SFXN5: variants seen among roughly 807,000 people sequenced by gnomAD.
SFXN5 encodes the protein sideroflexin 5.
Under a neutral mutation model 50.2 loss-of-function variants are expected in SFXN5, and 43 were observed. That is an observed-to-expected ratio of 0.86 (90% confidence interval 0.67 to 1.11). The LOEUF (loss-of-function observed/expected upper bound fraction) is 1.11. Ranked by LOEUF, SFXN5 falls within the 50% of genes least tolerant of loss-of-function variation. The pLI, the probability that SFXN5 is intolerant of heterozygous loss-of-function variation, is 0.00. For synonymous variants in SFXN5, 203 were observed against 185.8 expected (o/e 1.09, Z -0.75); for missense variants, 463 against 454.1 (o/e 1.02, Z -0.18).
intron 2 of SFXN5, among the ~76,000 whole-genome samples, chr2:73,056,424 G>A (rs1323183817): frequency 3.3e-5 from 5 of 151,540 alleles, no homozygotes; most frequent in South Asian, 2.1e-4. Flanking sequence ...AGTGGCTTAC[G>A]CCTGTAACCC....
chr2:73,014,566 G>A (rs1244239623), intron 6 of SFXN5, among the ~76,000 whole-genome samples: 1 of 152,094 alleles, frequency 6.6e-6, no homozygotes, highest in African/African-American at 2.4e-5. Context: ...AACCTGTCAA[G>A]TTCCATAACA....
rs1445813745 is a variant in SFXN5, at chr2:72,960,671, C to A, written c.945+460G>T. 6.6e-6 allele frequency among the ~76,000 whole-genome samples: 1 copy of A among 152,192 alleles called. No individual in the cohort carries two copies. Among genetic ancestry groups the A allele is most frequent in the Non-Finnish European group, 1.5e-5 (1 of 68,018 alleles). ...CCAGCCCAGCCCCTCATTCCCAGGC[C>A]ACATCACCTTGCTGCACTCCCTGGT... On this transcript the variant is annotated intron_variant, in intron 13 of 13. Coordinates refer to ENST00000272433, the MANE Select transcript of SFXN5 (RefSeq NM_144579.3). The surrounding 1 kb of genome is among the most constrained non-coding windows in gnomAD (Gnocchi z 6.1).
intron 1 of SFXN5, among the ~76,000 whole-genome samples, chr2:73,062,692 A>G (rs1682901194): frequency 6.6e-6 from 1 of 152,226 alleles, no homozygotes; most frequent in Non-Finnish European, 1.5e-5. Context: ...ACAGCCCATC[A>G]AAACAGACTA....
chr2:72,963,189 G>A (rs1216195084), intron 12 of SFXN5, among the ~76,000 whole-genome samples: 1 of 152,222 alleles, frequency 6.6e-6, no homozygotes, highest in Non-Finnish European at 1.5e-5. Context: ...ACTAGAGGGT[G>A]TGGAGTCCCT....
chr2:73,063,950 G>A (rs1208376156), intron 1 of SFXN5, among the ~76,000 whole-genome samples: 1 of 152,078 alleles, frequency 6.6e-6, no homozygotes, highest in African/African-American at 2.4e-5. Flanking sequence ...TCGCACAATC[G>A]GTGGATGTTT....
chr2:72,952,602 C>T (rs903912579), intron 13 of SFXN5, among the ~76,000 whole-genome samples: 1 of 152,206 alleles, frequency 6.6e-6, no homozygotes, highest in Non-Finnish European at 1.5e-5. Flanking sequence ...ACACCCCGCC[C>T]CCTACCATTT....
At chr2:72,947,528 G>T (rs1417462106) in intron 13 of SFXN5, among the ~76,000 whole-genome samples, 1 of 152,186 alleles carries the variant, frequency 6.6e-6, no homozygotes, top group African/African-American at 2.4e-5. Context: ...CTAGACACCC[G>T]CCATATGTCA....
chr2:72,978,146 C>T (rs569368798), intron 10 of SFXN5, among the ~76,000 whole-genome samples: 1 of 151,888 alleles, frequency 6.6e-6, no homozygotes, highest in East Asian at 1.9e-4. Context: ...TAAGGATATC[C>T]TCTTGCTCTC....
At chr2:72,947,265 C>T (rs1365268053) in intron 13 of SFXN5, among the ~76,000 whole-genome samples, 1 of 152,216 alleles carries the variant, frequency 6.6e-6, no homozygotes, top group Admixed American at 6.5e-5. Flanking sequence ...GTGTGGAATA[C>T]ATGGGCAGAA....
At chr2:72,964,316 C>T (rs1156852028) in intron 12 of SFXN5, among the ~76,000 whole-genome samples, 1 of 152,276 alleles carries the variant, frequency 6.6e-6, no homozygotes, top group Admixed American at 6.5e-5. Context: ...GGGCTGCCTT[C>T]CTTGTCAGCC....
intron 2 of SFXN5, among the ~76,000 whole-genome samples, chr2:73,046,031 ACCGATCCACTTAT>A (rs1164015981): frequency 1.3e-5 from 2 of 152,168 alleles, no homozygotes; most frequent in Non-Finnish European, 1.5e-5. Flanking sequence ...CAGAAAAGAA[ACCGATCCACTTAT>A]CCCAAGAACT....
Position 72,945,182 on chromosome 2 carries a change from T to C in SFXN5, c.946-83A>G. The C allele has an allele frequency of 7.5e-7, 1 of 1,332,874 alleles. No individual in the cohort carries two copies. Among genetic ancestry groups the C allele is most frequent in the East Asian group, 2.4e-5 (1 of 41,258 alleles). 82.6% of individuals were successfully genotyped at this position (1,332,874 alleles called of 1,614,324 possible). On this transcript the variant is annotated intron_variant, in intron 13 of 13. Coordinates refer to ENST00000272433, the MANE Select transcript of SFXN5 (RefSeq NM_144579.3). This position sits in a 1 kb window ranked among gnomAD's most constrained non-coding sequence, Gnocchi z 5.8. ...CTGGGAGCTGCAGTGAGGACCACCC[T>C]GGGCCCCAGAGCTCTGCCCCCTGCA...
At chr2:73,060,031 G>C (rs978722815) in intron 1 of SFXN5, among the ~76,000 whole-genome samples, 1 of 152,144 alleles carries the variant, frequency 6.6e-6, no homozygotes, top group Non-Finnish European at 1.5e-5. Context: ...TTTATGAAAT[G>C]CATATAAGCA....
At chr2:73,027,708 G>A (rs1180122367) in intron 3 of SFXN5, among the ~76,000 whole-genome samples, 2 of 151,890 alleles carry the variant, frequency 1.3e-5, no homozygotes, top group Non-Finnish European at 2.9e-5. Flanking sequence ...CGCCCAGGCT[G>A]GAGTGCAGTG....
chr2:73,044,868 C>T (rs1680117064), intron 2 of SFXN5, among the ~76,000 whole-genome samples: 1 of 152,222 alleles, frequency 6.6e-6, no homozygotes, highest in South Asian at 2.1e-4. Flanking sequence ...GCTCCAGCAG[C>T]ACAGAATTTG....
chr2:73,037,355 C>A (rs1312745317), intron 3 of SFXN5, among the ~76,000 whole-genome samples: 1 of 152,196 alleles, frequency 6.6e-6, no homozygotes. Flanking sequence ...CTCTATCCCC[C>A]AGGCCCTACC....
At chr2:73,068,400 T>G (rs1434097326) in intron 1 of SFXN5, among the ~76,000 whole-genome samples, 3 of 152,184 alleles carry the variant, frequency 2.0e-5, no homozygotes, top group East Asian at 3.9e-4. Flanking sequence ...CCAGTACATA[T>G]GTAGCCAACC....
At chr2:73,064,381 G>A (rs1356133043) in intron 1 of SFXN5, among the ~76,000 whole-genome samples, 3 of 152,186 alleles carry the variant, frequency 2.0e-5, no homozygotes, top group Admixed American at 1.3e-4. Context: ...CTCTGGGTGT[G>A]GCCTCCAGGC....
At chr2:72,968,122 AACACACAC>A (rs34361357) in intron 12 of SFXN5, among the ~76,000 whole-genome samples, 2,315 of 137,264 alleles carry the variant, frequency 0.017, 42 homozygotes, top group East Asian at 0.065. Context: ...CACACATGAA[AACACACAC>A]ACACACACAC....
Sources: allele counts gnomAD v4.1 joint callset (sites outside exome capture counted in the v4.1 genomes callset), GRCh38; gene constraint gnomAD v4.1.1; non-coding constraint Gnocchi (gnomAD v3.1); transcripts MANE v1.5; gene names NCBI Gene and HGNC (gene_info 2026-07-23, HGNC 2026-07-21).